The following ROBO2 variants were observed in gnomAD, a reference collection of about 807,000 sequenced individuals.
The protein encoded by ROBO2 is roundabout homolog 2.
In ROBO2, 53 loss-of-function variants were observed where a neutral mutation model predicts 160.8. The observed-to-expected ratio is 0.33, with a 90% CI of 0.26 to 0.41. The LOEUF is 0.41. ROBO2 is among the 10% of genes least tolerant of loss of function. The probability of loss-of-function intolerance (pLI) is 1.00; values close to 1 mark genes in which losing one functional copy is unlikely to be tolerated. For missense variants in ROBO2, 1,577 were observed against 1,722.4 expected (o/e 0.92, Z 1.49); for synonymous variants, 664 against 611.7 (o/e 1.09, Z -1.26).
At position 77,293,247 on chromosome 3, in the gene ROBO2, A is replaced by G. The variant is rs1019572725; in HGVS notation, c.389-184167A>G. On this transcript the variant is annotated intron_variant, in intron 2 of 25. Coordinates refer to ENST00000461745, the Ensembl canonical transcript of ROBO2. ...CTAGATCACCCCAGACATAAAGTAA[A>G]ATTGACGGTTATACAGGTAAGCTGA... Among the ~76,000 whole-genome samples the G allele has an allele frequency of 8.6e-5, 13 of 151,750 alleles. 1 individual carries two copies. Among genetic ancestry groups the G allele is most frequent in the Non-Finnish European group, 1.9e-4 (13 of 67,912 alleles).
At chr3:77,144,718 A>C (rs1202191210) in intron 2 of ROBO2, among the ~76,000 whole-genome samples, 3 of 152,190 alleles carry the variant, frequency 2.0e-5, no homozygotes, top group Non-Finnish European at 4.4e-5. Flanking sequence ...TTAGTCACTA[A>C]TTTTTAGAAA....
intron 6 of ROBO2, among the ~76,000 whole-genome samples, chr3:77,530,207 T>G (rs2091552320): frequency 6.6e-6 from 1 of 151,838 alleles, no homozygotes; most frequent in Admixed American, 6.6e-5. Context: ...GATGAAGAAA[T>G]ATGTACCAAG....
intron 2 of ROBO2, among the ~76,000 whole-genome samples, chr3:76,603,102 C>T (rs1006104612): frequency 2.4e-4 from 37 of 151,324 alleles, no homozygotes; most frequent in African/African-American, 2.2e-4. Flanking sequence ...GAGGCCGAGG[C>T]GGGCAGATCA....
At chr3:77,293,201 G>A (rs574484213) in intron 2 of ROBO2, among the ~76,000 whole-genome samples, 19 of 149,794 alleles carry the variant, frequency 1.3e-4, no homozygotes, top group East Asian at 8.0e-4. Flanking sequence ...TAAAATTGAC[G>A]GTTAAACGGG....
chr3:75,952,649 T>C (rs905333236), intron 2 of ROBO2, among the ~76,000 whole-genome samples: 1 of 152,124 alleles, frequency 6.6e-6, no homozygotes, highest in Admixed American at 6.6e-5. Flanking sequence ...TTGACTAAAG[T>C]CTGTAGTTTA....
chr3:77,511,449 T>A (rs1356163881), intron 5 of ROBO2, among the ~76,000 whole-genome samples: 1 of 152,006 alleles, frequency 6.6e-6, no homozygotes, highest in Non-Finnish European at 1.5e-5. Context: ...CAAGTCCTAG[T>A]CTTTTGGGCC....
intron 7 of ROBO2, among the ~76,000 whole-genome samples, chr3:77,548,727 T>C (rs1582874484): frequency 6.6e-6 from 1 of 151,952 alleles, no homozygotes; most frequent in Non-Finnish European, 1.5e-5. Context: ...TCTAGTTTTC[T>C]TTTCCTCACC....
intron 2 of ROBO2, among the ~76,000 whole-genome samples, chr3:76,994,945 CTTTT>C (rs558816382): frequency 6.7e-6 from 1 of 149,780 alleles, no homozygotes; most frequent in African/African-American, 2.4e-5. Context: ...CATAGATTTA[CTTTT>C]TTTTTTCTTT....
At chr3:77,550,398 G>A (rs1174304473) in intron 7 of ROBO2, among the ~76,000 whole-genome samples, 13 of 151,994 alleles carry the variant, frequency 8.6e-5, no homozygotes, top group African/African-American at 2.9e-4. Context: ...ATTCTTCAGA[G>A]CTGTGCGGTT....
chr3:76,055,844 T>A (rs1331395768), intron 2 of ROBO2, among the ~76,000 whole-genome samples: 1 of 152,154 alleles, frequency 6.6e-6, no homozygotes. Flanking sequence ...CCGCAACCTC[T>A]GCCTCCTGGG....
At chr3:77,278,950 G>C (rs145032185) in intron 2 of ROBO2, among the ~76,000 whole-genome samples, 1 of 152,112 alleles carries the variant, frequency 6.6e-6, no homozygotes, top group Admixed American at 6.5e-5. Context: ...TTAGTTAACC[G>C]CTTACTAAAT....
At chr3:77,490,164 A>G (rs1269568019) in intron 4 of ROBO2, among the ~76,000 whole-genome samples, 3 of 142,924 alleles carry the variant, frequency 2.1e-5, no homozygotes, top group Non-Finnish European at 3.0e-5. Context: ...GCAGGGGCCC[A>G]ATCTCGGCTC....
intron 2 of ROBO2, among the ~76,000 whole-genome samples, chr3:77,015,756 T>C (rs1448732359): frequency 6.6e-6 from 1 of 152,136 alleles, no homozygotes; most frequent in Non-Finnish European, 1.5e-5. Flanking sequence ...AGCATCACAG[T>C]TACCTGCCCC....
chr3:77,191,452 T>C (rs1246495930), intron 2 of ROBO2, among the ~76,000 whole-genome samples: 1 of 152,138 alleles, frequency 6.6e-6, no homozygotes, highest in Non-Finnish European at 1.5e-5. Context: ...CTAAGACAGA[T>C]AGGAACTGTG....
At chr3:76,162,464 GC>G (rs2072678876) in intron 2 of ROBO2, among the ~76,000 whole-genome samples, 1 of 151,998 alleles carries the variant, frequency 6.6e-6, no homozygotes, top group African/African-American at 2.4e-5. Context: ...ACTCCACCAT[GC>G]CCAGCTAATT....
intron 6 of ROBO2, among the ~76,000 whole-genome samples, chr3:77,540,864 G>A (rs2092430682): frequency 6.6e-6 from 1 of 152,074 alleles, no homozygotes; most frequent in Non-Finnish European, 1.5e-5. Context: ...TGCCTGTGGA[G>A]GGTTTAACAC....
intron 2 of ROBO2, among the ~76,000 whole-genome samples, chr3:76,285,580 C>T (rs540162908): frequency 1.8e-4 from 27 of 151,824 alleles, no homozygotes; most frequent in African/African-American, 6.3e-4. Context: ...TTTTTAAAAT[C>T]GAATGTTCTT....
chr3:77,630,970 T>C (rs2095149272), intron 23 of ROBO2: 1 of 150,028 alleles, frequency 6.7e-6, no homozygotes. Flanking sequence ...TTTTCTTATC[T>C]AGTATAGCAT....
intron 2 of ROBO2, among the ~76,000 whole-genome samples, chr3:76,408,272 G>T (rs2075314882): frequency 6.6e-6 from 1 of 152,076 alleles, no homozygotes; most frequent in Non-Finnish European, 1.5e-5. Context: ...GGTGGGCTCA[G>T]TTGGCATGGG....
Sources: allele counts gnomAD v4.1 joint callset (sites outside exome capture counted in the v4.1 genomes callset), GRCh38; gene constraint gnomAD v4.1.1; transcripts MANE v1.5; gene names NCBI Gene and HGNC (gene_info 2026-07-23, HGNC 2026-07-21).